The following IL1RAPL2 variants were observed in gnomAD, a reference collection of about 807,000 sequenced individuals.
IL1RAPL2 encodes X-linked interleukin-1 receptor accessory protein-like 2.
IL1RAPL2 carries 3 observed loss-of-function variants against 44.1 expected under a neutral mutation model. That is an observed-to-expected ratio of 0.07 (90% confidence interval 0.03 to 0.18). The LOEUF (loss-of-function observed/expected upper bound fraction) is 0.18, where lower values mean the gene tolerates loss of function less well. Among genes scored for constraint, IL1RAPL2 ranks in the 10% least tolerant of loss-of-function variants. The pLI, the probability that IL1RAPL2 is intolerant of heterozygous loss-of-function variation, is 1.00. For synonymous variants in IL1RAPL2, 181 were observed against 178.8 expected (o/e 1.01, Z -0.10); for missense variants, 391 against 496.4 (o/e 0.79, Z 2.02).
At chrX:104,598,407 G>A (rs749920307) in intron 1 of IL1RAPL2, among the ~76,000 whole-genome samples, 11 of 112,155 alleles carry the variant, frequency 9.8e-5, no homozygotes, top group African/African-American at 3.2e-4. Context: ...CCGGCTAGTC[G>A]CAGCCATCTC....
chrX:105,389,229 AT>A lies in IL1RAPL2; in HGVS notation c.698-95081del, dbSNP rs753378115. On this transcript the variant is annotated intron_variant, in intron 5 of 10. Coordinates refer to ENST00000372582, the MANE Select transcript of IL1RAPL2 (RefSeq NM_017416.2). ...GGATAACCAGAATGAGTTGATTTTCATTTATCTTTGAAGCCAATTATAATTT... is the reference window on the plus strand; with the variant it reads ...GGATAACCAGAATGAGTTGATTTTCATTATCTTTGAAGCCAATTATAATTT... 5.4e-5 allele frequency among the ~76,000 whole-genome samples: 6 copies of A among 112,124 alleles called. No homozygotes were observed. In the South Asian group the frequency reaches 1.5e-3, roughly 27 times the overall value.
chrX:105,268,938 C>T (rs1272101211), intron 5 of IL1RAPL2, among the ~76,000 whole-genome samples: 3 of 108,342 alleles, frequency 2.8e-5, no homozygotes, highest in African/African-American at 1.0e-4. Flanking sequence ...TGTTGTATAA[C>T]CTTAAATATA....
intron 2 of IL1RAPL2, among the ~76,000 whole-genome samples, chrX:104,755,534 A>C (rs1602712307): frequency 9.0e-6 from 1 of 110,623 alleles, no homozygotes; most frequent in East Asian, 2.9e-4. Flanking sequence ...AAGAAGTTAA[A>C]GTTTTTGAGA....
At chrX:105,021,148 A>G (rs2031275963) in intron 2 of IL1RAPL2, among the ~76,000 whole-genome samples, 2 of 111,476 alleles carry the variant, frequency 1.8e-5, no homozygotes, top group African/African-American at 3.3e-5. Flanking sequence ...GATGTACTTA[A>G]GTGAAAGTTC....
intron 2 of IL1RAPL2, among the ~76,000 whole-genome samples, chrX:105,021,133 C>T (rs1005259650): frequency 9.0e-6 from 1 of 111,360 alleles, no homozygotes. Context: ...CCAGAAATCC[C>T]TTGAGATGTA....
rs758947205 is a variant in IL1RAPL2, at chrX:105,078,536, G to A, written c.83-116939G>A. ...TCTCAGATCTCCAGCTGCATGCTGG[G>A]AGAACCACTACTCTCTTCAAAGCTG... On this transcript the variant is annotated intron_variant, in intron 2 of 10. Coordinates refer to ENST00000372582, the MANE Select transcript of IL1RAPL2 (RefSeq NM_017416.2). Among the ~76,000 whole-genome samples the A allele has an allele frequency of 3.3e-3, 374 of 112,325 alleles. 1 individual carries two copies. Among genetic ancestry groups the A allele is most frequent in the African/African-American group, 0.011 (343 of 30,962 alleles).
rs764380414 is a variant in IL1RAPL2, at chrX:105,143,425, C to G, written c.83-52050C>G. 7.2e-5 allele frequency among the ~76,000 whole-genome samples: 8 copies of G among 111,850 alleles called. No individual in the cohort carries two copies. The South Asian group carries it at 3.0e-3, about 42-fold the overall frequency. ...ATCTCACACCAGTTAGAATGGCGATCATTAAAAAGTCAGGAAACAACAGGT... is the reference window on the plus strand; with the variant it reads ...ATCTCACACCAGTTAGAATGGCGATGATTAAAAAGTCAGGAAACAACAGGT... On this transcript the variant is annotated intron_variant, in intron 2 of 10. Transcript: ENST00000372582.
At chrX:105,597,097 A>C (rs746568176) in intron 6 of IL1RAPL2, among the ~76,000 whole-genome samples, 1 of 112,110 alleles carries the variant, frequency 8.9e-6, no homozygotes, top group African/African-American at 3.2e-5. Flanking sequence ...TCAAAAATAT[A>C]TTAGTAACTA....
chrX:105,080,445 A>G (rs1224046260), intron 2 of IL1RAPL2, among the ~76,000 whole-genome samples: 1 of 112,119 alleles, frequency 8.9e-6, no homozygotes, highest in Non-Finnish European at 1.9e-5. Context: ...ATGGCTAGCC[A>G]GTTTTCCCAA....
intron 5 of IL1RAPL2, among the ~76,000 whole-genome samples, chrX:105,471,818 A>G (rs1331255529): frequency 8.9e-6 from 1 of 111,759 alleles, no homozygotes; most frequent in Non-Finnish European, 1.9e-5. Flanking sequence ...AACCTCAGGT[A>G]ATAACCCCCA....
Position 105,079,799 on chromosome X carries a change from T to C in IL1RAPL2, c.83-115676T>C, listed in dbSNP as rs1405091654. 4.5e-5 allele frequency among the ~76,000 whole-genome samples: 5 copies of C among 111,258 alleles called. No individual in the cohort carries two copies. In the Admixed American group the frequency reaches 4.8e-4, roughly 11 times the overall value. ...ACACTGTCTTCCACAATGGTTGAAC[T>C]AATTTACACTCCCACCAACAGTATA... On this transcript the variant is annotated intron_variant, in intron 2 of 10. Transcript: ENST00000372582.
chrX:105,363,319 AT>A (rs1196566866), intron 5 of IL1RAPL2, among the ~76,000 whole-genome samples: 2 of 89,977 alleles, frequency 2.2e-5, no homozygotes, highest in Non-Finnish European at 4.2e-5. Flanking sequence ...ATATATATAT[AT>A]ATATATATAT....
In IL1RAPL2 at chrX:105,642,474, T is replaced by C. The variant is rs144041039; in HGVS notation, c.773-74893T>C. Among the ~76,000 whole-genome samples, 251 of 112,020 alleles carry C rather than the reference T, an allele frequency of 2.2e-3. 6 individuals are homozygous for C. In the East Asian group the frequency reaches 0.062, roughly 28 times the overall value. On this transcript the variant is annotated intron_variant, in intron 6 of 10. Transcript: ENST00000372582. ...CCTACTTTTAGACTTTTAATCAACC[T>C]GAAGTCTTCGTTTCAAATGAATTAT... is the stretch of plus-strand genomic sequence containing the variant.
At chrX:104,798,598 G>A (rs1022467842) in intron 2 of IL1RAPL2, among the ~76,000 whole-genome samples, 5 of 111,314 alleles carry the variant, frequency 4.5e-5, no homozygotes, top group African/African-American at 1.3e-4. Flanking sequence ...CCCGGGAGGC[G>A]GAGCTTGCAG....
At chrX:104,695,075 C>T (rs1931154882) in intron 2 of IL1RAPL2, among the ~76,000 whole-genome samples, 1 of 112,032 alleles carries the variant, frequency 8.9e-6, no homozygotes, top group African/African-American at 3.2e-5. Flanking sequence ...CCATTACACA[C>T]TACCTTCACT....
chrX:105,654,378 A>G (rs2037663283), intron 6 of IL1RAPL2, among the ~76,000 whole-genome samples: 1 of 111,128 alleles, frequency 9.0e-6, no homozygotes, highest in African/African-American at 3.3e-5. Context: ...CTTTTCTTTT[A>G]TCCCCTTTAA....
intron 2 of IL1RAPL2, among the ~76,000 whole-genome samples, chrX:104,814,632 A>G (rs774014243): frequency 2.7e-5 from 3 of 111,914 alleles, no homozygotes. Context: ...AAGACAGTAG[A>G]ATTTTTGACA....
At chrX:104,568,505 G>A (rs1928084286) in intron 1 of IL1RAPL2, among the ~76,000 whole-genome samples, 1 of 112,021 alleles carries the variant, frequency 8.9e-6, no homozygotes, top group Non-Finnish European at 1.9e-5. Context: ...GAGCCGACCC[G>A]TACGGTGTGA....
chrX:105,072,839 C>T (rs945118340), intron 2 of IL1RAPL2, among the ~76,000 whole-genome samples: 2 of 107,966 alleles, frequency 1.9e-5, no homozygotes, highest in Non-Finnish European at 1.9e-5. Context: ...CATCTCTGAA[C>T]ACATGGAACA....
Sources: gnomAD v4.1 joint callset for allele counts (sites outside exome capture counted in the v4.1 genomes callset) on GRCh38, gnomAD v4.1.1 for gene constraint, MANE v1.5 for transcripts, NCBI Gene and HGNC (gene_info 2026-07-23, HGNC 2026-07-21) for gene names.